Variants in ADGRL3 observed in about 807,000 individuals in gnomAD.
ADGRL3 encodes adhesion G protein-coupled receptor L3, also known as calcium-independent alpha-latrotoxin receptor 3.
A neutral mutation model predicts 153.5 loss-of-function variants in ADGRL3; 62 were observed. The observed-to-expected ratio is 0.40, with a 90% confidence interval of 0.33 to 0.50. The LOEUF is 0.50. Ranked by LOEUF, ADGRL3 falls within the 20% of genes least tolerant of loss-of-function variation. The pLI is 0.47. For synonymous variants in ADGRL3, 710 were observed against 672.5 expected (o/e 1.06, Z -0.86); for missense variants, 1,641 against 1,859.4 (o/e 0.88, Z 2.16).
chr4:61,386,144 G>A (rs1487605121), intron 2 of ADGRL3, among the ~76,000 whole-genome samples: 1 of 152,108 alleles, frequency 6.6e-6, no homozygotes, highest in Non-Finnish European at 1.5e-5. Context: ...CTCACATCTA[G>A]AAAATCGCTT....
chr4:61,303,128 T>C (rs2094638307), intron 1 of ADGRL3, among the ~76,000 whole-genome samples: 1 of 152,216 alleles, frequency 6.6e-6, no homozygotes. Flanking sequence ...CCATTGTTGA[T>C]AGAATTAACA....
intron 21 of ADGRL3, among the ~76,000 whole-genome samples, chr4:62,013,542 CA>C (rs771255182): frequency 9.2e-5 from 13 of 141,340 alleles, no homozygotes; most frequent in African/African-American, 1.8e-4. Context: ...AACTCCATCT[CA>C]AAAAAAAAAG....
chr4:61,411,664 G>A (rs1270017122), intron 2 of ADGRL3, among the ~76,000 whole-genome samples: 1 of 151,298 alleles, frequency 6.6e-6, no homozygotes, highest in African/African-American at 2.4e-5. Context: ...TCTTTTGTCA[G>A]AAAAATTACC....
At chr4:61,300,136 C>A (rs1402483797) in intron 1 of ADGRL3, among the ~76,000 whole-genome samples, 1 of 152,148 alleles carries the variant, frequency 6.6e-6, no homozygotes, top group Non-Finnish European at 1.5e-5. Context: ...CTGAATAACT[C>A]ATTTTTCATA....
chr4:61,532,908 T>A (rs934758611), intron 4 of ADGRL3, among the ~76,000 whole-genome samples: 4 of 152,026 alleles, frequency 2.6e-5, no homozygotes, highest in Admixed American at 6.6e-5. Context: ...TAGTGAAGTA[T>A]GAAATGAAAG....
chr4:61,997,593 T>G (rs2073033568), intron 20 of ADGRL3, among the ~76,000 whole-genome samples: 1 of 152,126 alleles, frequency 6.6e-6, no homozygotes, highest in Non-Finnish European at 1.5e-5. Context: ...AGCTTTCTGT[T>G]TTTCTGTTTT....
Position 61,417,583 on chromosome 4 carries a change from A to G in ADGRL3, c.-174+34394A>G, listed in dbSNP as rs143587442. Among the ~76,000 whole-genome samples the G allele has an allele frequency of 4.7e-3, 707 of 150,772 alleles. 7 individuals carry two copies. Among genetic ancestry groups the G allele is most frequent in the African/African-American group, 0.016 (675 of 41,458 alleles). ...TGTGAAGCACTGGTTTCGAAAAAAA[A>G]AAAAGTCTTGTTTGAGGTGATTTTT... On this transcript the variant is annotated intron_variant, in intron 2 of 26. Transcript: ENST00000683033.
chr4:61,490,388 C>T lies in ADGRL3; in HGVS notation c.-173-6733C>T, dbSNP rs143632360. 7.9e-5 allele frequency among the ~76,000 whole-genome samples: 12 copies of T among 151,954 alleles called. No individual in the cohort carries two copies. The East Asian group carries it at 2.1e-3, about 27-fold the overall frequency. ...CCTTCTCCTCTTTCACTGGTTCTTC[C>T]TCCTCCTTCTTTAATGCAGGAATTA... On this transcript the variant is annotated intron_variant, in intron 2 of 26. Transcript: ENST00000683033.
intron 21 of ADGRL3, among the ~76,000 whole-genome samples, chr4:62,001,924 A>G (rs2151106657): frequency 6.6e-6 from 1 of 152,272 alleles, no homozygotes; most frequent in East Asian, 1.9e-4. Context: ...GTGTCTTTCT[A>G]AAACAAGTCA....
intron 1 of ADGRL3, among the ~76,000 whole-genome samples, chr4:61,244,420 TA>T (rs1049770285): frequency 1.3e-5 from 2 of 151,954 alleles, no homozygotes; most frequent in Non-Finnish European, 2.9e-5. Flanking sequence ...ACACAAGTAA[TA>T]AAAAAATAAA....
At chr4:61,720,131 C>G (rs952412732) in intron 6 of ADGRL3, among the ~76,000 whole-genome samples, 2 of 151,322 alleles carry the variant, frequency 1.3e-5, no homozygotes, top group Non-Finnish European at 2.9e-5. Flanking sequence ...ACACTGTCAC[C>G]CAGGCTGGAG....
chr4:61,683,012 G>A (rs929732402), intron 6 of ADGRL3, among the ~76,000 whole-genome samples: 2 of 152,020 alleles, frequency 1.3e-5, no homozygotes, highest in African/African-American at 4.8e-5. Flanking sequence ...TACAGAGAAG[G>A]CACACTGATC....
chr4:61,815,255 T>C (rs2097675328), intron 9 of ADGRL3, among the ~76,000 whole-genome samples: 1 of 152,208 alleles, frequency 6.6e-6, no homozygotes, highest in Non-Finnish European at 1.5e-5. Context: ...AGGCAGATTG[T>C]GATGGATTCT....
At chr4:61,991,664 C>T (rs982850342) in intron 19 of ADGRL3, among the ~76,000 whole-genome samples, 2 of 151,718 alleles carry the variant, frequency 1.3e-5, no homozygotes, top group African/African-American at 4.8e-5. Flanking sequence ...AAAATTCATG[C>T]ACTTGCTTGC....
At chr4:61,717,850 G>T (rs924111237) in intron 6 of ADGRL3, among the ~76,000 whole-genome samples, 1 of 151,818 alleles carries the variant, frequency 6.6e-6, no homozygotes. Context: ...CCTGGCCAAC[G>T]TGGTGGAACC....
At chr4:61,604,385 G>C (rs76203600) in intron 5 of ADGRL3, among the ~76,000 whole-genome samples, 1,658 of 152,150 alleles carry the variant, frequency 0.011, 28 homozygotes, top group African/African-American at 0.038. Context: ...TTAATTTCTG[G>C]TATTATTGCT....
At chr4:61,374,425 T>G (rs2096579295) in intron 1 of ADGRL3, among the ~76,000 whole-genome samples, 1 of 152,302 alleles carries the variant, frequency 6.6e-6, no homozygotes, top group African/African-American at 2.4e-5. Flanking sequence ...TGCCTTTTTT[T>G]TTCACAAACA....
chr4:61,299,338 T>A (rs1468894164), intron 1 of ADGRL3, among the ~76,000 whole-genome samples: 1 of 152,198 alleles, frequency 6.6e-6, no homozygotes, highest in South Asian at 2.1e-4. Context: ...CAGGTTCTCG[T>A]TATTTTAAAT....
intron 15 of ADGRL3, among the ~76,000 whole-genome samples, chr4:61,938,600 G>A (rs565319300): frequency 6.6e-6 from 1 of 152,040 alleles, no homozygotes; most frequent in Non-Finnish European, 1.5e-5. Context: ...CACTGCTGCC[G>A]CAAGTGAACT....
Sources: gnomAD v4.1 joint callset for allele counts (sites outside exome capture counted in the v4.1 genomes callset) on GRCh38, gnomAD v4.1.1 for gene constraint, MANE v1.5 for transcripts, NCBI Gene and HGNC (gene_info 2026-07-23, HGNC 2026-07-21) for gene names.